The following NELL1 variants were observed in gnomAD, a reference collection of about 807,000 sequenced individuals.
NELL1 encodes the protein neural EGFL like 1.
A neutral mutation model predicts 107.4 loss-of-function variants in NELL1; 76 were observed. That is an observed-to-expected ratio of 0.71 (90% CI 0.59 to 0.86). The LOEUF (loss-of-function observed/expected upper bound fraction) is 0.86, where lower values mean the gene tolerates loss of function less well. Ranked by LOEUF, NELL1 falls within the 40% of genes least tolerant of loss-of-function variation. The pLI is 0.00. For missense variants in NELL1, 1,024 were observed against 1,005.5 expected (o/e 1.02, Z -0.25); for synonymous variants, 353 against 341.2 (o/e 1.03, Z -0.38).
At chr11:21,250,512 G>A (rs947269739) in intron 14 of NELL1, among the ~76,000 whole-genome samples, 1 of 152,032 alleles carries the variant, frequency 6.6e-6, no homozygotes, top group African/African-American at 2.4e-5. Flanking sequence ...CTTATCAGCT[G>A]CCAGCTGGAT....
At chr11:21,053,364 T>C (rs940969211) in intron 12 of NELL1, among the ~76,000 whole-genome samples, 27 of 152,098 alleles carry the variant, frequency 1.8e-4, no homozygotes, top group Middle Eastern at 3.2e-3. Context: ...AGTGAGAACA[T>C]GCGGTGTTTG....
chr11:21,261,323 T>C (rs1848526734), intron 14 of NELL1, among the ~76,000 whole-genome samples: 2 of 151,904 alleles, frequency 1.3e-5, no homozygotes, highest in African/African-American at 4.8e-5. Context: ...CCATTAGTTA[T>C]TTTTCCTGAT....
At chr11:21,085,845 A>G (rs979048166) in intron 12 of NELL1, among the ~76,000 whole-genome samples, 2 of 152,216 alleles carry the variant, frequency 1.3e-5, no homozygotes, top group Admixed American at 6.5e-5. Context: ...GTAACGGGAA[A>G]GCAAAGGAGC....
intron 2 of NELL1, among the ~76,000 whole-genome samples, chr11:20,692,035 T>G (rs965047417): frequency 4.6e-5 from 7 of 152,076 alleles, no homozygotes; most frequent in Non-Finnish European, 7.4e-5. Context: ...GTCGAGGAAT[T>G]TATCCATTTC....
chr11:21,489,285 T>A (rs1469612208), intron 15 of NELL1, among the ~76,000 whole-genome samples: 3 of 139,422 alleles, frequency 2.2e-5, no homozygotes, highest in Non-Finnish European at 3.0e-5. Context: ...ATCAGTAATA[T>A]AAAGTCTCCT....
At chr11:21,406,469 T>C (rs968985040) in intron 15 of NELL1, among the ~76,000 whole-genome samples, 1 of 152,052 alleles carries the variant, frequency 6.6e-6, no homozygotes. Flanking sequence ...TACTACCTAG[T>C]GCTTTACCTT....
In NELL1 at chr11:21,553,960, G is replaced by T. The variant is rs185185127; in HGVS notation, c.1787-6229G>T. Among the ~76,000 whole-genome samples, 24 of 151,978 alleles carry T rather than the reference G, an allele frequency of 1.6e-4. No homozygotes were observed. The East Asian group carries it at 4.7e-3, about 30-fold the overall frequency. On this transcript the variant is annotated intron_variant, in intron 16 of 19. Transcript: ENST00000357134. ...TGTATAGCTGGGTATTAGTCATTTA[G>T]TAGACTGCAGCAATAATACAAACCA...
chr11:21,261,339 C>T (rs899608702), intron 14 of NELL1, among the ~76,000 whole-genome samples: 2 of 151,770 alleles, frequency 1.3e-5, no homozygotes, highest in Admixed American at 1.3e-4. Context: ...CTGATCCTCT[C>T]CCTCCTTCCC....
At chr11:21,081,135 A>G (rs955559092) in intron 12 of NELL1, among the ~76,000 whole-genome samples, 9 of 152,012 alleles carry the variant, frequency 5.9e-5, no homozygotes, top group African/African-American at 2.2e-4. Context: ...CTCTTCTCTG[A>G]CTTAATGTTG....
At chr11:20,838,347 A>G (rs1848568529) in intron 3 of NELL1, among the ~76,000 whole-genome samples, 1 of 149,368 alleles carries the variant, frequency 6.7e-6, no homozygotes, top group South Asian at 2.2e-4. Context: ...AGCATCCTAG[A>G]TAAGAGTGTG....
chr11:20,957,250 A>C (rs1186769599), intron 11 of NELL1, among the ~76,000 whole-genome samples: 1 of 152,224 alleles, frequency 6.6e-6, no homozygotes, highest in Non-Finnish European at 1.5e-5. Flanking sequence ...CTTGCCTGTC[A>C]GTCTTGACTC....
At chr11:21,452,925 AATTAT>A (rs1853623460) in intron 15 of NELL1, among the ~76,000 whole-genome samples, 1 of 151,884 alleles carries the variant, frequency 6.6e-6, no homozygotes, top group Non-Finnish European at 1.5e-5. Context: ...TTTATTAGTG[AATTAT>A]ATTGTAGGAT....
chr11:20,672,511 T>A (rs1256002894), intron 1 of NELL1, among the ~76,000 whole-genome samples: 1 of 152,218 alleles, frequency 6.6e-6, no homozygotes, highest in African/African-American at 2.4e-5. Flanking sequence ...ATCTGCCTTG[T>A]TCAGAGAACT....
In NELL1 at chr11:21,401,337, G is replaced by A. The variant is rs549727345; in HGVS notation, c.1645+30389G>A. ...CAATGTAAGAAACAGATAATTAAAAGGAGCAATTGGGAAGACTTTATTTGT... is the reference window on the plus strand; with the variant it reads ...CAATGTAAGAAACAGATAATTAAAAAGAGCAATTGGGAAGACTTTATTTGT... On this transcript the variant is annotated intron_variant, in intron 15 of 19. Coordinates refer to ENST00000357134, the MANE Select transcript of NELL1 (RefSeq NM_006157.5). 4.6e-5 allele frequency among the ~76,000 whole-genome samples: 7 copies of A among 151,898 alleles called. No individual in the cohort carries two copies. In the South Asian group the frequency reaches 1.2e-3, roughly 27 times the overall value.
chr11:21,409,610 TA>T (rs1564880862), intron 15 of NELL1, among the ~76,000 whole-genome samples: 1 of 151,592 alleles, frequency 6.6e-6, no homozygotes, highest in African/African-American at 2.4e-5. Flanking sequence ...AAATAAAAAT[TA>T]AAAAATAAAA....
rs191594504 is a variant in NELL1 at position 20,846,939 on chromosome 11, C to T, written c.336-644C>T. On this transcript the variant is annotated intron_variant, in intron 3 of 19. Coordinates refer to ENST00000357134, the MANE Select transcript of NELL1 (RefSeq NM_006157.5). ...ACCACAGTGGTAAGGCTAAGAATTTCTTATGGGTTTGAAAAACAGGATCAT... is the reference window on the plus strand; with the variant it reads ...ACCACAGTGGTAAGGCTAAGAATTTTTTATGGGTTTGAAAAACAGGATCAT... Among the ~76,000 whole-genome samples the T allele has an allele frequency of 1.3e-4, 20 of 152,238 alleles. No individual in the cohort carries two copies. The East Asian group carries it at 3.9e-3, about 29-fold the overall frequency.
intron 2 of NELL1, among the ~76,000 whole-genome samples, chr11:20,707,899 A>C (rs777280257): frequency 3.3e-5 from 5 of 152,236 alleles, no homozygotes; most frequent in Non-Finnish European, 7.3e-5. Flanking sequence ...TTAAGTCTGC[A>C]GAACTTTCTG....
At chr11:20,691,887 G>C (rs1423220998) in intron 2 of NELL1, among the ~76,000 whole-genome samples, 8 of 152,160 alleles carry the variant, frequency 5.3e-5, no homozygotes, top group Non-Finnish European at 8.8e-5. Context: ...ACCTCTGGTA[G>C]AATTCGGCCA....
At chr11:21,560,166 C>T in intron 16 of NELL1, 23 bp from the exon 17 acceptor site, 1 of 1,610,392 alleles carries the variant, frequency 6.2e-7, no homozygotes, top group Non-Finnish European at 8.5e-7. Context: ...AGATTCTAAG[C>T]TTCTGTGCTT....
Sources: gnomAD v4.1 joint callset for allele counts (sites outside exome capture counted in the v4.1 genomes callset) on GRCh38, gnomAD v4.1.1 for gene constraint, MANE v1.5 for transcripts, NCBI Gene and HGNC (gene_info 2026-07-23, HGNC 2026-07-21) for gene names.